PTTG1IP2: variants seen among roughly 807,000 people sequenced by gnomAD.
PTTG1IP2 encodes PTTG1IP family member 2.
Position 90,477,258 on chromosome 7 carries a change from G to A in PTTG1IP2, c.146-1970G>A, listed in dbSNP as rs551404321. Among the ~76,000 whole-genome samples, 48 of 152,322 alleles carry A rather than the reference G, an allele frequency of 3.2e-4. 1 individual carries two copies. The South Asian group carries it at 9.5e-3, about 30-fold the overall frequency. On this transcript the variant is annotated intron_variant, in intron 1 of 6. Transcript: ENST00000509356. The stretch of plus-strand genomic sequence containing the variant: ...CCTGGTAATGCCATGGAAATAGCTA[G>A]AACCTCGTTCTTTAGGAATAGAAGA...
intron 5 of PTTG1IP2, chr7:90,494,033 A>G (rs1412777437): frequency 6.6e-6 from 1 of 152,200 alleles, no homozygotes; most frequent in Non-Finnish European, 1.5e-5. Flanking sequence ...CTTGGTCCAC[A>G]CTTCTTTCCT....
intron 1 of PTTG1IP2, among the ~76,000 whole-genome samples, chr7:90,472,279 AACACACACACACACACAC>A (rs144907444): frequency 0.047 from 6,445 of 138,046 alleles, 201 homozygotes; most frequent in Middle Eastern, 0.13. Flanking sequence ...ATAGCATGCA[AACACACACACACACACAC>A]ACACACACAC....
chr7:90,492,814 G>A (rs967527991), intron 5 of PTTG1IP2, among the ~76,000 whole-genome samples: 1 of 152,230 alleles, frequency 6.6e-6, no homozygotes, highest in Admixed American at 6.5e-5. Flanking sequence ...ATTCTTGCAG[G>A]CTTTCCCAGA....
intron 6 of PTTG1IP2, among the ~76,000 whole-genome samples, chr7:90,503,121 C>T (rs778138249): frequency 7.2e-5 from 11 of 152,186 alleles, no homozygotes; most frequent in Non-Finnish European, 1.2e-4. Context: ...GCTGCTTCGC[C>T]TTGCACTTTT....
intron 4 of PTTG1IP2, among the ~76,000 whole-genome samples, chr7:90,491,327 A>G (rs1368476014): frequency 6.6e-6 from 1 of 152,256 alleles, no homozygotes; most frequent in Non-Finnish European, 1.5e-5. Flanking sequence ...TATAACAATA[A>G]GCAAGAAAGA....
At chr7:90,490,334 A>G (rs1281945535) in intron 4 of PTTG1IP2, among the ~76,000 whole-genome samples, 1 of 151,970 alleles carries the variant, frequency 6.6e-6, no homozygotes, top group Non-Finnish European at 1.5e-5. Flanking sequence ...TGTAAATAAG[A>G]TAGACGTGAC....
intron 4 of PTTG1IP2, among the ~76,000 whole-genome samples, chr7:90,489,767 T>A (rs1398461270): frequency 6.6e-6 from 1 of 151,982 alleles, no homozygotes; most frequent in Non-Finnish European, 1.5e-5. Context: ...TATAATTCTA[T>A]GCCACTAACC....
chr7:90,512,320 A>C (rs1562991664), intron 6 of PTTG1IP2, among the ~76,000 whole-genome samples: 1 of 152,170 alleles, frequency 6.6e-6, no homozygotes, highest in Non-Finnish European at 1.5e-5. Context: ...TGGGAAGAAA[A>C]GAAGGGAGTA....
chr7:90,511,036 A>G (rs1002705289), intron 6 of PTTG1IP2, among the ~76,000 whole-genome samples: 1 of 150,894 alleles, frequency 6.6e-6, no homozygotes, highest in Non-Finnish European at 1.5e-5. Context: ...ACCAGTCATC[A>G]TCTCTGTGAC....
chr7:90,477,284 G>A (rs1463017487), intron 1 of PTTG1IP2, among the ~76,000 whole-genome samples: 1 of 152,188 alleles, frequency 6.6e-6, no homozygotes, highest in African/African-American at 2.4e-5. Flanking sequence ...GAATAGAAGA[G>A]AAGAAAGAAC....
At chr7:90,471,434 T>G (rs1466713594) in intron 1 of PTTG1IP2, among the ~76,000 whole-genome samples, 1 of 152,208 alleles carries the variant, frequency 6.6e-6, no homozygotes, top group Non-Finnish European at 1.5e-5. Context: ...TAGTAATCAA[T>G]ATCTCAAGAA....
At chr7:90,472,430 C>T (rs1797702600) in intron 1 of PTTG1IP2, among the ~76,000 whole-genome samples, 1 of 152,020 alleles carries the variant, frequency 6.6e-6, no homozygotes, top group Non-Finnish European at 1.5e-5. Flanking sequence ...TGAAACAAGC[C>T]TCGAAGTCGA....
intron 2 of PTTG1IP2, among the ~76,000 whole-genome samples, chr7:90,481,666 C>T (rs1028862739): frequency 6.6e-6 from 1 of 152,094 alleles, no homozygotes; most frequent in Non-Finnish European, 1.5e-5. Flanking sequence ...AGGAAGAATA[C>T]CCCCTGCACT....
At chr7:90,470,963 CAAAAAAA>C (rs5885726) in intron 1 of PTTG1IP2, among the ~76,000 whole-genome samples, 18 of 108,112 alleles carry the variant, frequency 1.7e-4, no homozygotes, top group South Asian at 2.8e-4. Flanking sequence ...TGATGAAGAA[CAAAAAAA>C]AAAAAAAAAA....
At chr7:90,497,563 CAAAAAAAAAAAAAA>C (rs758753541) in intron 6 of PTTG1IP2, among the ~76,000 whole-genome samples, 4 of 44,404 alleles carry the variant, frequency 9.0e-5, no homozygotes, top group African/African-American at 3.2e-4. Context: ...GAATCCGTCT[CAAAAAAAAAAAAAA>C]AAAAAAAAGT....
intron 5 of PTTG1IP2, among the ~76,000 whole-genome samples, chr7:90,493,451 G>C (rs1797961767): frequency 6.6e-6 from 1 of 152,104 alleles, no homozygotes; most frequent in Non-Finnish European, 1.5e-5. Context: ...TCAAACCAGG[G>C]GGCTGCAGAG....
At position 90,475,884 on chromosome 7, in the gene PTTG1IP2, T is replaced by C. The variant is rs550457203; in HGVS notation, c.146-3344T>C. 2.6e-5 allele frequency among the ~76,000 whole-genome samples: 4 copies of C among 151,010 alleles called. No homozygotes were observed. The South Asian group carries it at 8.3e-4, about 32-fold the overall frequency. ...TGAGGCAGGAGGGTGGAGTTTGCAG[T>C]GAGCTGAGATCGCGCCACTGCACTC... On this transcript the variant is annotated intron_variant, in intron 1 of 6. Coordinates refer to ENST00000509356, the MANE Select transcript of PTTG1IP2 (RefSeq NM_001365443.2).
At chr7:90,484,756 T>C (rs1797849900) in intron 2 of PTTG1IP2, among the ~76,000 whole-genome samples, 1 of 152,198 alleles carries the variant, frequency 6.6e-6, no homozygotes, top group African/African-American at 2.4e-5. Context: ...GCTTACAATA[T>C]TGGGAAGACC....
intron 3 of PTTG1IP2, among the ~76,000 whole-genome samples, chr7:90,488,412 A>G (rs896130506): frequency 3.3e-5 from 5 of 152,056 alleles, no homozygotes; most frequent in Admixed American, 6.5e-5. Flanking sequence ...ATAAGAAAAA[A>G]AAGTTTACAA....
Sources: gnomAD v4.1 joint callset for allele counts (sites outside exome capture counted in the v4.1 genomes callset) on GRCh38, gnomAD v4.1.1 for gene constraint, MANE v1.5 for transcripts, NCBI Gene and HGNC (gene_info 2026-07-23, HGNC 2026-07-21) for gene names.